Variants in MARCHF1 observed in about 807,000 individuals in gnomAD.
The protein encoded by MARCHF1 is membrane associated ring-CH-type finger 1, also known as E3 ubiquitin-protein ligase MARCHF1.
MARCHF1 carries 40 observed loss-of-function variants against 54.2 expected under a neutral mutation model. That is an observed-to-expected ratio of 0.74 (90% CI 0.57 to 0.96). MARCHF1 has a LOEUF of 0.96. Among genes scored for constraint, MARCHF1 ranks in the 40% least tolerant of loss-of-function variants. The probability of loss-of-function intolerance (pLI) is 0.00; values close to 1 mark genes in which losing one functional copy is unlikely to be tolerated. For synonymous variants in MARCHF1, 236 were observed against 236.3 expected, an observed-to-expected ratio of 1.00 and a Z score of 0.01; for missense variants, 586 against 656.5, an observed-to-expected ratio of 0.89 and a Z score of 1.17.
At chr4:163,537,797 T>C (rs1738589373) in intron 9 of MARCHF1, among the ~76,000 whole-genome samples, 1 of 152,240 alleles carries the variant, frequency 6.6e-6, no homozygotes, top group South Asian at 2.1e-4. Flanking sequence ...TTCCATGTTA[T>C]GCTAATCCCA....
Position 163,526,951 on chromosome 4 carries a change from AG to A in MARCHF1, c.*1796del, listed in dbSNP as rs1179156381. 1 of 151,246 alleles carries A rather than the reference AG, an allele frequency of 6.6e-6. No homozygotes were observed. The highest frequency in any genetic ancestry group is 1.5e-5 in the Non-Finnish European group (1 of 67,660). The allele number at this position is 151,246 out of a possible 1,614,324, so 9.4% of individuals were successfully genotyped here. ...TTATACCATCTTTCTCCTCATTTAA[AG>A]GTTTGTTTTTTTTTTCCCTTTTTCC... On this transcript the variant is annotated 3_prime_UTR_variant, in exon 10 of 10. Transcript: ENST00000514618.
At chr4:163,771,599 T>C (rs1747162752) in intron 4 of MARCHF1, among the ~76,000 whole-genome samples, 1 of 152,204 alleles carries the variant, frequency 6.6e-6, no homozygotes, top group African/African-American at 2.4e-5. Flanking sequence ...GGTTCTTCTC[T>C]CATGACCTAA....
At chr4:163,771,891 T>C (rs1185016628) in intron 4 of MARCHF1, among the ~76,000 whole-genome samples, 2 of 152,164 alleles carry the variant, frequency 1.3e-5, no homozygotes, top group Non-Finnish European at 1.5e-5. Flanking sequence ...AGTTAAGTCA[T>C]TACCAATTGA....
chr4:163,747,457 A>C (rs188226274), intron 4 of MARCHF1, among the ~76,000 whole-genome samples: 28 of 152,352 alleles, frequency 1.8e-4, no homozygotes, highest in African/African-American at 6.5e-4. Flanking sequence ...AAAACAAGCT[A>C]TCATGTAAGA....
intron 8 of MARCHF1, among the ~76,000 whole-genome samples, chr4:163,579,635 A>G (rs1740154816): frequency 6.6e-6 from 1 of 151,952 alleles, no homozygotes; most frequent in Non-Finnish European, 1.5e-5. Context: ...GAGTGTTCTC[A>G]GTCACTTAGA....
Position 164,068,536 on chromosome 4 carries a change from C to G in MARCHF1, c.-248+43052G>C, listed in dbSNP as rs376316226. On this transcript the variant is annotated intron_variant, in intron 2 of 9. Coordinates refer to ENST00000514618, the MANE Select transcript of MARCHF1 (RefSeq NM_001394959.1). ...GCCCCGAGCAGTGAGGGGCTTAGCA[C>G]CTGGGCCAGCAGCTGCTGTGCTAGA... 6.6e-5 allele frequency among the ~76,000 whole-genome samples: 10 copies of G among 152,280 alleles called. 1 individual carries two copies. In the South Asian group the frequency reaches 1.4e-3, roughly 22 times the overall value.
rs1197201109 is a variant in MARCHF1 at position 164,103,908 on chromosome 4, C to T, written c.-248+7680G>A. ...AAAAAAAGAGAGAAGAATCAATAGA[C>T]GCAATAAAAAATGATAAAGGGGATA... On this transcript the variant is annotated intron_variant, in intron 2 of 9. Coordinates refer to ENST00000514618, the MANE Select transcript of MARCHF1 (RefSeq NM_001394959.1). Among the ~76,000 whole-genome samples, 305 of 146,932 alleles carry T rather than the reference C, an allele frequency of 2.1e-3. 3 individuals are homozygous for T. The highest frequency in any genetic ancestry group is 9.1e-3 in the Admixed American group (136 of 14,938).
chr4:164,293,782 T>G (rs886078408), intron 1 of MARCHF1, among the ~76,000 whole-genome samples: 1 of 152,218 alleles, frequency 6.6e-6, no homozygotes, highest in Non-Finnish European at 1.5e-5. Flanking sequence ...AAGGCTCCCA[T>G]GCATTAGTTC....
chr4:163,729,071 AAATT>A (rs547334296), intron 4 of MARCHF1, among the ~76,000 whole-genome samples: 213 of 152,230 alleles, frequency 1.4e-3, no homozygotes, highest in African/African-American at 4.9e-3. Context: ...TGGATTAAAT[AAATT>A]AATTTTTTGA....
At chr4:164,234,294 G>T (rs1323372253) in intron 1 of MARCHF1, among the ~76,000 whole-genome samples, 1 of 152,138 alleles carries the variant, frequency 6.6e-6, no homozygotes, top group African/African-American at 2.4e-5. Flanking sequence ...ACTTATGTAT[G>T]ATATGCTGAA....
rs1553989364 is a variant in MARCHF1 at position 164,176,972 on chromosome 4, C to CA, written c.-322-65311_-322-65310insT. Among the ~76,000 whole-genome samples, 106 of 56,810 alleles carry CA rather than the reference C, an allele frequency of 1.9e-3. 15 individuals are homozygous for CA. The highest frequency in any genetic ancestry group is 2.0e-3 in the Non-Finnish European group (64 of 32,228). The allele number at this position is 56,810 out of a possible 152,430, so 37.3% of individuals were successfully genotyped here. The stretch of plus-strand genomic sequence containing the variant: ...TCTCTCTCTCTCTCTCTCTCTCTCT[C>CA]TCTCTCTCTATATATATATATATAT... On this transcript the variant is annotated intron_variant, in intron 1 of 9. Coordinates refer to ENST00000514618, the MANE Select transcript of MARCHF1 (RefSeq NM_001394959.1).
At chr4:164,112,874 T>C (rs1207491178) in intron 1 of MARCHF1, among the ~76,000 whole-genome samples, 4 of 151,510 alleles carry the variant, frequency 2.6e-5, no homozygotes, top group South Asian at 2.1e-4. Context: ...AAATAGGTCA[T>C]TGTTATTATT....
intron 1 of MARCHF1, among the ~76,000 whole-genome samples, chr4:164,204,072 G>T (rs1311686170): frequency 2.6e-5 from 4 of 152,098 alleles, no homozygotes; most frequent in Non-Finnish European, 4.4e-5. Context: ...AGAAATGTTT[G>T]GATGTGATTT....
At chr4:163,540,185 A>T (rs1476569236) in intron 9 of MARCHF1, among the ~76,000 whole-genome samples, 2 of 152,190 alleles carry the variant, frequency 1.3e-5, no homozygotes, top group Admixed American at 6.5e-5. Flanking sequence ...TATATAGGAG[A>T]TCATGCAACT....
intron 2 of MARCHF1, among the ~76,000 whole-genome samples, chr4:164,001,812 T>C (rs996980818): frequency 1.3e-5 from 2 of 151,848 alleles, no homozygotes; most frequent in Non-Finnish European, 2.9e-5. Context: ...AAAATCCGTA[T>C]AACTGTCCCC....
rs574191471 is a variant in MARCHF1, at chr4:163,932,310, A to G, written c.-39+56191T>C. Among the ~76,000 whole-genome samples the G allele has an allele frequency of 1.2e-4, 19 of 152,356 alleles. No homozygotes were observed. In the South Asian group the frequency reaches 3.7e-3, roughly 30 times the overall value. On this transcript the variant is annotated intron_variant, in intron 3 of 9. Coordinates refer to ENST00000514618, the MANE Select transcript of MARCHF1 (RefSeq NM_001394959.1). ...ATTGACTGACTCTTTCTTTCACAAA[A>G]TATTTCACTATAGCATGCTAAACTA...
intron 4 of MARCHF1, among the ~76,000 whole-genome samples, chr4:163,850,321 G>A (rs1383000762): frequency 6.6e-6 from 1 of 152,194 alleles, no homozygotes. Flanking sequence ...AGAGGCCCGA[G>A]GCACAGTTTT....
At chr4:163,755,670 C>A (rs1561060036) in intron 4 of MARCHF1, among the ~76,000 whole-genome samples, 2 of 148,646 alleles carry the variant, frequency 1.3e-5, no homozygotes, top group African/African-American at 2.5e-5. Context: ...GAACCTTGAA[C>A]TACTGGACAT....
intron 8 of MARCHF1, among the ~76,000 whole-genome samples, chr4:163,583,420 C>A (rs543797025): frequency 1.1e-4 from 16 of 152,236 alleles, no homozygotes; most frequent in African/African-American, 3.9e-4. Context: ...GATTCCAACA[C>A]CCCTATACAT....
Sources: allele counts gnomAD v4.1 joint callset (sites outside exome capture counted in the v4.1 genomes callset), GRCh38; gene constraint gnomAD v4.1.1; transcripts MANE v1.5; gene names NCBI Gene and HGNC (gene_info 2026-07-23, HGNC 2026-07-21).